Variants in OPRM1 observed in about 807,000 individuals in gnomAD.
The protein encoded by OPRM1 is mu-type opioid receptor.
A neutral mutation model predicts 31.8 loss-of-function variants in OPRM1; 27 were observed. The ratio of observed to expected loss-of-function variants is 0.85; its 90% CI spans 0.63 to 1.17. OPRM1 has a LOEUF of 1.17. Ranked by LOEUF, OPRM1 falls within the 50% of genes most tolerant of loss-of-function variation. OPRM1 has a pLI of 0.00. For missense variants in OPRM1, 536 were observed against 511.1 expected, an observed-to-expected ratio of 1.05 and a Z score of -0.47; for synonymous variants, 196 against 189.9, an observed-to-expected ratio of 1.03 and a Z score of -0.26.
Position 154,199,524 on chromosome 6 carries a change from G to A in OPRM1, c.1165-47169G>A, listed in dbSNP as rs576538536. On this transcript the variant is annotated intron_variant, in intron 3 of 3. Transcript: ENST00000337049. Reference sequence around the variant, plus strand: ...GTCCACATGCAAACTCCTCTACAAAGCAACCTCTGGGCATAGCCCCACTTG... The same window carrying A: ...GTCCACATGCAAACTCCTCTACAAAACAACCTCTGGGCATAGCCCCACTTG... 2,276 of 955,648 alleles carry A rather than the reference G, an allele frequency of 2.4e-3. 9 individuals are homozygous for A. Among genetic ancestry groups the A allele is most frequent in the Non-Finnish European group, 2.5e-3 (1,691 of 669,534 alleles). 59.2% of individuals were successfully genotyped at this position (955,648 alleles called of 1,614,324 possible).
At chr6:154,190,513 C>T (rs986513981) in intron 3 of OPRM1, among the ~76,000 whole-genome samples, 2 of 152,178 alleles carry the variant, frequency 1.3e-5, no homozygotes, top group Admixed American at 1.3e-4. Flanking sequence ...AAACACCAAA[C>T]GTTGGCAAGG....
At chr6:154,017,942 C>T (rs796186117) in intron 1 of OPRM1, among the ~76,000 whole-genome samples, 12 of 152,258 alleles carry the variant, frequency 7.9e-5, no homozygotes, top group African/African-American at 1.4e-4. Context: ...TCAAACAGTA[C>T]GTATTCATGA....
intron 3 of OPRM1, among the ~76,000 whole-genome samples, chr6:154,189,180 T>C (rs1801641753): frequency 6.6e-6 from 1 of 152,264 alleles, no homozygotes; most frequent in African/African-American, 2.4e-5. Context: ...CACTCTTAGA[T>C]GTGCTAATCC....
chr6:154,041,951 T>C (rs898563300), intron 1 of OPRM1, among the ~76,000 whole-genome samples: 5 of 152,210 alleles, frequency 3.3e-5, no homozygotes, highest in Admixed American at 2.0e-4. Flanking sequence ...ATTGGTCTTA[T>C]TCCAGTGTAG....
chr6:154,010,957 T>C (rs1407485397), exon 1 of OPRM1: 2 of 1,296,444 alleles, frequency 1.5e-6, no homozygotes, highest in African/African-American at 3.0e-5. Flanking sequence ...AACTCTGATA[T>C]CCTCTCACAC....
exon 1 of OPRM1, chr6:154,010,896 G>T: frequency 7.6e-7 from 1 of 1,319,682 alleles, no homozygotes. Context: ...TCTATGAGAA[G>T]GACCAGCCCT....
At chr6:154,054,032 G>T (rs906161045) in intron 1 of OPRM1, among the ~76,000 whole-genome samples, 1 of 151,890 alleles carries the variant, frequency 6.6e-6, no homozygotes, top group African/African-American at 2.4e-5. Flanking sequence ...CTTTCAGATC[G>T]TCTAGTCCAG....
At position 154,214,133 on chromosome 6, in the gene OPRM1, A is replaced by G. The variant is rs1328179820; in HGVS notation, c.1165-32560A>G. ...ATGTTTCCTCAGGATCAGACTATAC[A>G]TAGAACTTGACATTGTTTTTTCACC... On this transcript the variant is annotated intron_variant, in intron 3 of 3. Coordinates refer to the OPRM1 transcript ENST00000337049. 6.7e-6 allele frequency: 6 copies of G among 892,448 alleles called. No individual in the cohort carries two copies. The Admixed American group carries it at 1.0e-4, about 16-fold the overall frequency. 55.3% of individuals were successfully genotyped at this position (892,448 alleles called of 1,614,324 possible).
intron 3 of OPRM1, chr6:154,159,681 T>A: frequency 1.5e-6 from 1 of 659,556 alleles, no homozygotes; most frequent in East Asian, 2.7e-5. Flanking sequence ...TCGGTGATTA[T>A]CTTCATCTAA....
Position 154,125,992 on chromosome 6 carries a change from C to T in OPRM1, c.*7271C>T, listed in dbSNP as rs1394596157. ...TAATTTTTTGTATTTTTAGTAGAGACGGGGTTTCACCGTTTTAGCCGGGAT... is the reference window on the plus strand; with the variant it reads ...TAATTTTTTGTATTTTTAGTAGAGATGGGGTTTCACCGTTTTAGCCGGGAT... On this transcript the variant is annotated 3_prime_UTR_variant, in exon 4 of 4. Transcript: ENST00000330432. 2.1e-4 allele frequency among the ~76,000 whole-genome samples: 7 copies of T among 32,806 alleles called. 3 individuals are homozygous for T. The highest frequency in any genetic ancestry group is 1.0e-3 in the Admixed American group (2 of 1,976). The allele number at this position is 32,806 out of a possible 152,430, so 21.5% of individuals were successfully genotyped here.
intron 1 of OPRM1, among the ~76,000 whole-genome samples, chr6:154,050,342 C>A (rs1271780734): frequency 6.6e-6 from 1 of 152,054 alleles, no homozygotes; most frequent in Non-Finnish European, 1.5e-5. Context: ...TTGGAAGCAA[C>A]CTAAGTGTCC....
intron 3 of OPRM1, among the ~76,000 whole-genome samples, chr6:154,105,345 G>A (rs1795423715): frequency 6.6e-6 from 1 of 152,178 alleles, no homozygotes; most frequent in Non-Finnish European, 1.5e-5. Flanking sequence ...AATGTTCTAA[G>A]CAAAGTTTAA....
chr6:154,227,563 T>A (rs1200168598), intron 3 of OPRM1, among the ~76,000 whole-genome samples: 2 of 151,950 alleles, frequency 1.3e-5, no homozygotes, highest in Admixed American at 1.3e-4. Context: ...TGCAAAAGTA[T>A]AAAAATTAGC....
intron 3 of OPRM1, among the ~76,000 whole-genome samples, chr6:154,107,235 G>C (rs1795707021): frequency 6.6e-6 from 1 of 152,206 alleles, no homozygotes; most frequent in South Asian, 2.1e-4. Context: ...AGTCCAGACT[G>C]TTAAGAGTTT....
chr6:154,171,641 A>G (rs1799879374), intron 3 of OPRM1, among the ~76,000 whole-genome samples: 1 of 152,236 alleles, frequency 6.6e-6, no homozygotes, highest in Admixed American at 6.5e-5. Context: ...ATCTCAATAA[A>G]ACTATAAAAA....
At chr6:154,059,745 A>G (rs1412451859) in intron 1 of OPRM1, among the ~76,000 whole-genome samples, 1 of 152,212 alleles carries the variant, frequency 6.6e-6, no homozygotes, top group African/African-American at 2.4e-5. Context: ...GTTCCACTAC[A>G]CTGAATTTAT....
At position 154,123,346 on chromosome 6, in the gene OPRM1, G is replaced by A. The variant is rs1400623509; in HGVS notation, c.*4625G>A. On this transcript the variant is annotated 3_prime_UTR_variant, in exon 4 of 4. Transcript: ENST00000330432. Reference sequence around the variant, plus strand: ...CCTGGGAGCCCACTAATCACACAGTGAACAAAAGGCTTCTATGCTGGGCCT... The same window carrying A: ...CCTGGGAGCCCACTAATCACACAGTAAACAAAAGGCTTCTATGCTGGGCCT... 1.3e-5 allele frequency among the ~76,000 whole-genome samples: 2 copies of A among 152,158 alleles called. No individual in the cohort carries two copies. Among genetic ancestry groups the A allele is most frequent in the African/African-American group, 2.4e-5 (1 of 41,432 alleles).
Position 154,114,406 on chromosome 6 carries a change from C to G in OPRM1, c.1165-4277C>G, listed in dbSNP as rs150056699. 1.8e-3 allele frequency among the ~76,000 whole-genome samples: 276 copies of G among 151,596 alleles called. 3 individuals are homozygous for G. Among genetic ancestry groups the G allele is most frequent in the African/African-American group, 6.4e-3 (263 of 41,322 alleles). ...TTAAGGCCTTTCAATAGAATATCAT[C>G]AATACAGTAAGCCCAATTTCTCTGC... On this transcript the variant is annotated intron_variant, in intron 3 of 3. Coordinates refer to ENST00000330432, the MANE Select transcript of OPRM1 (RefSeq NM_000914.5).
chr6:154,046,777 C>G (rs1189952341), intron 1 of OPRM1: 2 of 152,184 alleles, frequency 1.3e-5, no homozygotes, highest in African/African-American at 4.8e-5. Context: ...GGCTCGACTT[C>G]AAGGCACTCT....
Sources: gnomAD v4.1 joint callset for allele counts (sites outside exome capture counted in the v4.1 genomes callset) on GRCh38, gnomAD v4.1.1 for gene constraint, MANE v1.5 for transcripts, NCBI Gene and HGNC (gene_info 2026-07-23, HGNC 2026-07-21) for gene names.